The following CTNNA2 variants were observed in gnomAD, a reference collection of about 807,000 sequenced individuals.
CTNNA2 encodes the protein catenin alpha 2, also known as catenin alpha-2.
Under a neutral mutation model 101.0 loss-of-function variants are expected in CTNNA2, and 42 were observed. That is an observed-to-expected ratio of 0.42 (90% CI 0.32 to 0.54). CTNNA2 has a LOEUF of 0.54. Ranked by LOEUF, CTNNA2 falls within the 20% of genes least tolerant of loss-of-function variation. The pLI is 0.14. For synonymous variants in CTNNA2, 450 were observed against 456.4 expected, an observed-to-expected ratio of 0.99 and a Z score of 0.18; for missense variants, 871 against 1,223.1, an observed-to-expected ratio of 0.71 and a Z score of 4.29.
intron 7 of CTNNA2, among the ~76,000 whole-genome samples, chr2:80,245,777 C>T (rs984499861): frequency 7.7e-6 from 1 of 130,328 alleles, no homozygotes; most frequent in Non-Finnish European, 1.6e-5. Flanking sequence ...CCATTTAAAA[C>T]TGTGATTATG....
At chr2:79,784,269 A>T (rs6752603) in intron 3 of CTNNA2, among the ~76,000 whole-genome samples, 5,697 of 152,098 alleles carry the variant, frequency 0.037, 376 homozygotes, top group African/African-American at 0.13. Flanking sequence ...GCATATTCAA[A>T]TGCCTCTAAG....
chr2:79,196,659 A>T (rs1334969095), intron 1 of CTNNA2, among the ~76,000 whole-genome samples: 1 of 152,248 alleles, frequency 6.6e-6, no homozygotes, highest in East Asian at 1.9e-4. Flanking sequence ...ATTGAATAAC[A>T]TTAAGACCTT....
intron 2 of CTNNA2, among the ~76,000 whole-genome samples, chr2:79,252,557 C>G (rs551460079): frequency 6.6e-6 from 1 of 152,120 alleles, no homozygotes; most frequent in African/African-American, 2.4e-5. Flanking sequence ...TAGCCAATTT[C>G]CCAGGACCAT....
At chr2:80,407,556 C>T (rs554591331) in intron 8 of CTNNA2, among the ~76,000 whole-genome samples, 30 of 152,310 alleles carry the variant, frequency 2.0e-4, no homozygotes, top group African/African-American at 7.0e-4. Flanking sequence ...TCACAAAGGA[C>T]AAAATCTATG....
intron 7 of CTNNA2, among the ~76,000 whole-genome samples, chr2:80,333,180 G>T (rs967568937): frequency 6.6e-6 from 1 of 152,134 alleles, no homozygotes; most frequent in East Asian, 1.9e-4. Flanking sequence ...TATTGACTCA[G>T]AGTAACTAGG....
At chr2:80,210,199 C>A (rs1707796602) in intron 7 of CTNNA2, among the ~76,000 whole-genome samples, 1 of 152,136 alleles carries the variant, frequency 6.6e-6, no homozygotes. Context: ...TACATACTTT[C>A]TGAACACATT....
At chr2:79,516,613 G>A (rs1479082832) in intron 1 of CTNNA2, among the ~76,000 whole-genome samples, 2 of 152,212 alleles carry the variant, frequency 1.3e-5, no homozygotes, top group Non-Finnish European at 2.9e-5. Context: ...ACAACTTCTA[G>A]TGTGGGATCC....
intron 2 of CTNNA2, among the ~76,000 whole-genome samples, chr2:79,211,971 A>C (rs1249519192): frequency 2.0e-5 from 3 of 152,148 alleles, no homozygotes; most frequent in Admixed American, 2.0e-4. Flanking sequence ...GACTGTTAGA[A>C]GAAACATTTG....
intron 4 of CTNNA2, among the ~76,000 whole-genome samples, chr2:79,390,598 C>A (rs1004508180): frequency 6.6e-6 from 1 of 152,168 alleles, no homozygotes; most frequent in Admixed American, 6.6e-5. Flanking sequence ...AGTAACACTT[C>A]AACATTGTTC....
chr2:79,534,944 A>G (rs899868741), intron 1 of CTNNA2, among the ~76,000 whole-genome samples: 13 of 151,912 alleles, frequency 8.6e-5, no homozygotes, highest in African/African-American at 2.9e-4. Context: ...AAAAATACAC[A>G]TAACTATTTA....
Position 80,487,091 on chromosome 2 carries a change from G to A in CTNNA2, c.1291-57891G>A, listed in dbSNP as rs186267079. On this transcript the variant is annotated intron_variant, in intron 9 of 18. Transcript: ENST00000402739. ...AGGAGGTCAGGAGTTCCAGACCAGC[G>A]TGACCTTTACCAAACCCCGTCTCTA... is the stretch of plus-strand genomic sequence containing the variant. Among the ~76,000 whole-genome samples the A allele has an allele frequency of 1.2e-3, 183 of 151,916 alleles. 1 individual carries two copies. The South Asian group carries it at 0.026, about 22-fold the overall frequency.
At chr2:79,810,472 C>A (rs1676925098) in intron 3 of CTNNA2, among the ~76,000 whole-genome samples, 1 of 151,960 alleles carries the variant, frequency 6.6e-6, no homozygotes. Flanking sequence ...CACAGCCATA[C>A]CATATCACTA....
chr2:80,148,801 G>A lies in CTNNA2; in HGVS notation c.1056+239004G>A, dbSNP rs116940188. ...GCTTGGCACTGGAAAGAGCATCTCC[G>A]GATGAGAAGAGAAGGTTGAACCACT... On this transcript the variant is annotated intron_variant, in intron 7 of 18. Coordinates refer to ENST00000402739, the MANE Select transcript of CTNNA2 (RefSeq NM_001282597.3). 3.9e-5 allele frequency among the ~76,000 whole-genome samples: 6 copies of A among 152,148 alleles called. No homozygotes were observed. In the East Asian group the frequency reaches 5.8e-4, roughly 15 times the overall value.
intron 7 of CTNNA2, among the ~76,000 whole-genome samples, chr2:80,140,311 T>TA (rs1474710615): frequency 1.3e-5 from 2 of 152,160 alleles, no homozygotes; most frequent in Non-Finnish European, 2.9e-5. Context: ...TTATCATTGC[T>TA]ACCACTGGCC....
intron 7 of CTNNA2, among the ~76,000 whole-genome samples, chr2:80,284,522 A>T (rs946220073): frequency 6.6e-6 from 1 of 152,134 alleles, no homozygotes; most frequent in Non-Finnish European, 1.5e-5. Context: ...AATGAAGAGC[A>T]TTGAATGTGG....
At chr2:79,291,053 C>T (rs916612779) in intron 2 of CTNNA2, among the ~76,000 whole-genome samples, 4 of 152,162 alleles carry the variant, frequency 2.6e-5, no homozygotes, top group African/African-American at 9.7e-5. Flanking sequence ...TCTGCATGCT[C>T]CCCCAAGAGG....
chr2:80,465,830 C>T (rs948409221), intron 9 of CTNNA2, among the ~76,000 whole-genome samples: 3 of 152,080 alleles, frequency 2.0e-5, no homozygotes, highest in Admixed American at 6.5e-5. Flanking sequence ...TAAGCCCAAG[C>T]TTTCACTAAT....
At chr2:80,615,381 T>G (rs373623231) in intron 17 of CTNNA2, among the ~76,000 whole-genome samples, 1 of 151,616 alleles carries the variant, frequency 6.6e-6, no homozygotes, top group African/African-American at 2.4e-5. Flanking sequence ...ATTCACTGAA[T>G]TCAACATTTC....
At chr2:79,729,885 A>C (rs1169066018) in intron 2 of CTNNA2, among the ~76,000 whole-genome samples, 1 of 152,140 alleles carries the variant, frequency 6.6e-6, no homozygotes, top group African/African-American at 2.4e-5. Context: ...ATAATAATGT[A>C]CACTTACACA....
Sources: allele counts gnomAD v4.1 joint callset (sites outside exome capture counted in the v4.1 genomes callset), GRCh38; gene constraint gnomAD v4.1.1; transcripts MANE v1.5; gene names NCBI Gene and HGNC (gene_info 2026-07-23, HGNC 2026-07-21).